The following KCNT2 variants were observed in gnomAD, a reference collection of about 807,000 sequenced individuals.
The protein encoded by KCNT2 is potassium sodium-activated channel subfamily T member 2.
A neutral mutation model predicts 153.8 loss-of-function variants in KCNT2; 67 were observed. The observed-to-expected ratio is 0.44, with a 90% CI of 0.36 to 0.53. The LOEUF is 0.53. Among genes scored for constraint, KCNT2 ranks in the 20% least tolerant of loss-of-function variants. The pLI is 0.00. For synonymous variants in KCNT2, 500 were observed against 458.8 expected (o/e 1.09, Z -1.15); for missense variants, 975 against 1,354.8 (o/e 0.72, Z 4.40).
intron 13 of KCNT2, 55 bp from the exon 14 acceptor site, chr1:196,373,303 A>G (rs1416753971): frequency 7.6e-6 from 6 of 785,720 alleles, no homozygotes; most frequent in African/African-American, 1.8e-5. Context: ...GAGTAATAAA[A>G]TGTAAAAAAT....
chr1:196,279,570 G>A (rs2147862920), intron 25 of KCNT2, among the ~76,000 whole-genome samples: 1 of 150,298 alleles, frequency 6.7e-6, no homozygotes, highest in South Asian at 2.1e-4. Flanking sequence ...CTACAGGTGT[G>A]CACCACCACA....
chr1:196,593,104 G>A (rs1663584852), intron 1 of KCNT2, among the ~76,000 whole-genome samples: 1 of 150,256 alleles, frequency 6.7e-6, no homozygotes, highest in Non-Finnish European at 1.5e-5. Context: ...AGTCCCCAAA[G>A]TCCATCTATC....
intron 14 of KCNT2, among the ~76,000 whole-genome samples, chr1:196,344,117 G>C (rs78070314): frequency 6.6e-6 from 1 of 152,136 alleles, no homozygotes; most frequent in Non-Finnish European, 1.5e-5. Flanking sequence ...TAACTTTTCA[G>C]TGATTCTTTA....
At chr1:196,446,145 G>A (rs1424446995) in intron 8 of KCNT2, among the ~76,000 whole-genome samples, 4 of 151,190 alleles carry the variant, frequency 2.6e-5, no homozygotes, top group African/African-American at 9.7e-5. Context: ...CAATAATATT[G>A]CAATTAAGAT....
intron 1 of KCNT2, among the ~76,000 whole-genome samples, chr1:196,551,290 A>G (rs1657864947): frequency 6.6e-6 from 1 of 151,862 alleles, no homozygotes; most frequent in Non-Finnish European, 1.5e-5. Flanking sequence ...TGGTTTGAAG[A>G]ACAAACATAA....
chr1:196,448,546 T>A (rs1572489411), intron 8 of KCNT2, among the ~76,000 whole-genome samples: 2 of 151,750 alleles, frequency 1.3e-5, no homozygotes, highest in East Asian at 3.9e-4. Context: ...CTGTGTGGCC[T>A]GGAAGCTTTT....
intron 9 of KCNT2, among the ~76,000 whole-genome samples, chr1:196,429,008 CTTT>C (rs143860054): frequency 4.7e-4 from 65 of 138,846 alleles, no homozygotes; most frequent in African/African-American, 1.3e-3. Flanking sequence ...CATGTTCAGA[CTTT>C]TTTTTTTTTT....
At chr1:196,503,315 T>C (rs1680850300) in intron 1 of KCNT2, among the ~76,000 whole-genome samples, 1 of 152,082 alleles carries the variant, frequency 6.6e-6, no homozygotes, top group Non-Finnish European at 1.5e-5. Flanking sequence ...TAAACAAACA[T>C]ACACATGTGT....
chr1:196,442,579 AT>A (rs1157079759), intron 8 of KCNT2, among the ~76,000 whole-genome samples: 1 of 151,740 alleles, frequency 6.6e-6, no homozygotes, highest in African/African-American at 2.4e-5. Context: ...TCGGACTTCA[AT>A]GCAAGAGTCA....
chr1:196,386,766 T>C (rs1670025409), intron 13 of KCNT2, among the ~76,000 whole-genome samples: 2 of 152,110 alleles, frequency 1.3e-5, no homozygotes, highest in Admixed American at 1.3e-4. Flanking sequence ...GATTTAGCTA[T>C]TGACAGATTT....
intron 22 of KCNT2, among the ~76,000 whole-genome samples, chr1:196,299,400 A>G (rs1660974941): frequency 1.3e-5 from 2 of 152,180 alleles, no homozygotes; most frequent in Non-Finnish European, 2.9e-5. Flanking sequence ...CAATAAAAGA[A>G]AGGTCAGATG....
chr1:196,367,027 C>T (rs1488645486), intron 14 of KCNT2, among the ~76,000 whole-genome samples: 2 of 152,092 alleles, frequency 1.3e-5, no homozygotes, highest in Non-Finnish European at 2.9e-5. Flanking sequence ...TCCTCTATGC[C>T]ACATTTCCTT....
chr1:196,581,553 G>C (rs760866282), intron 1 of KCNT2, among the ~76,000 whole-genome samples: 2 of 151,724 alleles, frequency 1.3e-5, no homozygotes, highest in Non-Finnish European at 2.9e-5. Context: ...TCAATATAAT[G>C]AAGTTAACAC....
chr1:196,579,183 C>T (rs756202907), intron 1 of KCNT2, among the ~76,000 whole-genome samples: 15 of 152,024 alleles, frequency 9.9e-5, no homozygotes, highest in Non-Finnish European at 1.6e-4. Flanking sequence ...TCCTTTTTCC[C>T]CCATTTTGTA....
chr1:196,602,607 C>T (rs1346805047), intron 1 of KCNT2, among the ~76,000 whole-genome samples: 1 of 152,004 alleles, frequency 6.6e-6, no homozygotes, highest in Non-Finnish European at 1.5e-5. Context: ...TGAAAAGTCA[C>T]ATTTCAATTT....
chr1:196,363,135 G>T (rs1031986998), intron 14 of KCNT2, among the ~76,000 whole-genome samples: 1 of 152,100 alleles, frequency 6.6e-6, no homozygotes, highest in Admixed American at 6.6e-5. Context: ...GTAAGAAAGA[G>T]CTATGCCTTA....
At chr1:196,397,223 A>C (rs2148434579) in intron 13 of KCNT2, among the ~76,000 whole-genome samples, 1 of 151,550 alleles carries the variant, frequency 6.6e-6, no homozygotes, top group South Asian at 2.1e-4. Flanking sequence ...TGCCATTCAA[A>C]AATTTTGTCA....
intron 26 of KCNT2, among the ~76,000 whole-genome samples, chr1:196,245,619 A>T (rs967229712): frequency 4.6e-5 from 7 of 152,328 alleles, no homozygotes; most frequent in Admixed American, 2.6e-4. Context: ...AATTCAAGAT[A>T]ACACAGAGAA....
chr1:196,419,432 T>C (rs886980375), intron 12 of KCNT2, among the ~76,000 whole-genome samples: 3 of 147,936 alleles, frequency 2.0e-5, no homozygotes, highest in African/African-American at 7.5e-5. Flanking sequence ...GAACATGCGG[T>C]GTTTGGTTTT....
Sources: allele counts gnomAD v4.1 joint callset (sites outside exome capture counted in the v4.1 genomes callset), GRCh38; gene constraint gnomAD v4.1.1; transcripts MANE v1.5; gene names NCBI Gene and HGNC (gene_info 2026-07-23, HGNC 2026-07-21).